NAALADL2: variants seen among roughly 807,000 people sequenced by gnomAD.
NAALADL2 encodes inactive N-acetylated-alpha-linked acidic dipeptidase-like protein 2.
Under a neutral mutation model 87.2 loss-of-function variants are expected in NAALADL2, and 76 were observed. The observed-to-expected ratio is 0.87, with a 90% CI of 0.72 to 1.05. NAALADL2 has a LOEUF of 1.05. NAALADL2 is among the 50% of genes least tolerant of loss of function. The pLI is 0.00. For synonymous variants in NAALADL2, 354 were observed against 331.0 expected (o/e 1.07, Z -0.75); for missense variants, 1,089 against 945.8 (o/e 1.15, Z -1.99).
At chr3:174,654,922 A>G (rs942485734) in intron 2 of NAALADL2, among the ~76,000 whole-genome samples, 1 of 151,958 alleles carries the variant, frequency 6.6e-6, no homozygotes, top group African/African-American at 2.4e-5. Flanking sequence ...TTTTTAGTAG[A>G]GACGGGGTTT....
At chr3:174,671,466 T>A (rs1477537210) in intron 2 of NAALADL2, among the ~76,000 whole-genome samples, 1 of 152,044 alleles carries the variant, frequency 6.6e-6, no homozygotes, top group East Asian at 1.9e-4. Context: ...CCTGCAGGCT[T>A]GGGGCTTAGT....
chr3:174,776,864 A>G (rs1298494318), intron 3 of NAALADL2, among the ~76,000 whole-genome samples: 1 of 152,134 alleles, frequency 6.6e-6, no homozygotes, highest in African/African-American at 2.4e-5. Flanking sequence ...ACACATATTT[A>G]AAGGCATAAT....
intron 10 of NAALADL2, among the ~76,000 whole-genome samples, chr3:175,588,782 C>T (rs1034909546): frequency 3.2e-4 from 48 of 152,022 alleles, no homozygotes; most frequent in Non-Finnish European, 6.3e-4. Context: ...TCGTGATCCG[C>T]CCGCCTTGGC....
chr3:174,699,134 A>T (rs900848210), intron 2 of NAALADL2, among the ~76,000 whole-genome samples: 22 of 152,080 alleles, frequency 1.4e-4, no homozygotes, highest in Non-Finnish European at 2.9e-4. Flanking sequence ...TCTGCATCAC[A>T]TTTACTTCCT....
intron 2 of NAALADL2, among the ~76,000 whole-genome samples, chr3:174,588,136 C>T (rs536048831): frequency 3.4e-5 from 3 of 87,784 alleles, no homozygotes; most frequent in Admixed American, 1.8e-4. Context: ...TTCAAACACT[C>T]ATACCCTTTC....
chr3:175,434,190 T>C (rs1435196749), intron 5 of NAALADL2, among the ~76,000 whole-genome samples: 1 of 152,022 alleles, frequency 6.6e-6, no homozygotes, highest in East Asian at 1.9e-4. Context: ...TTTAGATGTA[T>C]GCATGTAACT....
chr3:174,450,018 CAT>C (rs1356693419), intron 1 of NAALADL2, among the ~76,000 whole-genome samples: 14 of 132,620 alleles, frequency 1.1e-4, no homozygotes, highest in African/African-American at 3.2e-4. Flanking sequence ...ACAACACATA[CAT>C]ACACACACAC....
At chr3:174,529,708 G>A (rs1721069051) in intron 1 of NAALADL2, among the ~76,000 whole-genome samples, 1 of 152,178 alleles carries the variant, frequency 6.6e-6, no homozygotes, top group South Asian at 2.1e-4. Context: ...GCACTGGCAG[G>A]CTGACACCAT....
chr3:174,799,434 C>A (rs1447820375), intron 3 of NAALADL2, among the ~76,000 whole-genome samples: 1 of 152,066 alleles, frequency 6.6e-6, no homozygotes, highest in African/African-American at 2.4e-5. Flanking sequence ...CTCATGAGAT[C>A]TGATGGTTTG....
chr3:175,253,906 C>A (rs953217219), intron 3 of NAALADL2, among the ~76,000 whole-genome samples: 5 of 152,030 alleles, frequency 3.3e-5, no homozygotes, highest in African/African-American at 1.2e-4. Flanking sequence ...GAAACTTGAA[C>A]GGATGAAGAG....
intron 10 of NAALADL2, among the ~76,000 whole-genome samples, chr3:175,622,733 C>T (rs4279111): frequency 0.74 from 112,422 of 151,978 alleles, 42,283 homozygotes; most frequent in East Asian, 0.88. Flanking sequence ...ATCTCATGTT[C>T]CCCATAAATA....
intron 3 of NAALADL2, among the ~76,000 whole-genome samples, chr3:174,785,296 G>A (rs1299959306): frequency 6.6e-6 from 1 of 152,060 alleles, no homozygotes; most frequent in East Asian, 1.9e-4. Context: ...AAAAGTAATG[G>A]CAAAATAGCT....
chr3:175,292,464 A>G (rs1247013749), intron 4 of NAALADL2, among the ~76,000 whole-genome samples: 1 of 152,110 alleles, frequency 6.6e-6, no homozygotes, highest in Non-Finnish European at 1.5e-5. Context: ...TTATCTTGGT[A>G]TATTCTAGCT....
chr3:175,698,884 T>C (rs900773974), intron 11 of NAALADL2, among the ~76,000 whole-genome samples: 7 of 151,896 alleles, frequency 4.6e-5, no homozygotes, highest in Admixed American at 1.3e-4. Context: ...TACAGCATGA[T>C]AGAAATCCAA....
chr3:174,782,612 A>G (rs1716123859), intron 3 of NAALADL2, among the ~76,000 whole-genome samples: 1 of 152,004 alleles, frequency 6.6e-6, no homozygotes, highest in African/African-American at 2.4e-5. Flanking sequence ...GTGAAGAAAT[A>G]CCCGAGACTG....
intron 2 of NAALADL2, among the ~76,000 whole-genome samples, chr3:175,100,198 C>T (rs906807871): frequency 5.3e-5 from 8 of 151,668 alleles, no homozygotes; most frequent in African/African-American, 1.5e-4. Context: ...ACAATTGATG[C>T]TACATTTCTA....
chr3:174,499,749 T>C (rs543323685), intron 1 of NAALADL2, among the ~76,000 whole-genome samples: 2 of 152,220 alleles, frequency 1.3e-5, no homozygotes, highest in East Asian at 3.9e-4. Context: ...TGTGGGTCTT[T>C]CGTTGGAATC....
At chr3:175,696,255 A>G (rs1259654116) in intron 11 of NAALADL2, among the ~76,000 whole-genome samples, 4 of 152,174 alleles carry the variant, frequency 2.6e-5, no homozygotes, top group Admixed American at 6.6e-5. Flanking sequence ...AATGAGCCAG[A>G]CATAGGCCTT....
At chr3:174,966,664 C>A (rs960882812) in intron 1 of NAALADL2, among the ~76,000 whole-genome samples, 13 of 152,060 alleles carry the variant, frequency 8.5e-5, no homozygotes, top group Admixed American at 7.2e-4. Flanking sequence ...AAAGAGAAGT[C>A]CAGCTTAATA....
Sources: allele counts gnomAD v4.1 joint callset (sites outside exome capture counted in the v4.1 genomes callset), GRCh38; gene constraint gnomAD v4.1.1; transcripts MANE v1.5; gene names NCBI Gene and HGNC (gene_info 2026-07-23, HGNC 2026-07-21).